YARS2: variants seen among roughly 807,000 people sequenced by gnomAD.
The protein encoded by YARS2 is tyrosyl-tRNA synthetase 2, also known as tyrosine--tRNA ligase, mitochondrial.
Under a neutral mutation model 45.0 loss-of-function variants are expected in YARS2, and 38 were observed. The observed-to-expected ratio is 0.84, with a 90% confidence interval of 0.65 to 1.11. The LOEUF (loss-of-function observed/expected upper bound fraction) is 1.11, where lower values mean the gene tolerates loss of function less well. Ranked by LOEUF, YARS2 falls within the 50% of genes least tolerant of loss-of-function variation. YARS2 has a pLI of 0.00. For missense variants in YARS2, 602 were observed against 599.8 expected (o/e 1.00, Z -0.04); for synonymous variants, 287 against 245.1 (o/e 1.17, Z -1.60).
At chr12:32,752,435 G>A (rs1421723227) in intron 2 of YARS2, among the ~76,000 whole-genome samples, 1 of 152,058 alleles carries the variant, frequency 6.6e-6, no homozygotes, top group Non-Finnish European at 1.5e-5. Flanking sequence ...GAACCAGATA[G>A]AAAATGCAAT....
At chr12:32,750,689 T>C (rs745892136) in intron 3 of YARS2, 30 bp downstream of exon 3, 2 of 1,611,986 alleles carry the variant, frequency 1.2e-6, no homozygotes, top group East Asian at 4.5e-5. Flanking sequence ...AATAACTAAC[T>C]ATCAAGTGTT....
In YARS2 at chr12:32,755,679, C is replaced by G. The variant is rs1955835258; in HGVS notation, c.196G>C (p.Asp66His). The G allele has an allele frequency of 1.9e-6, 3 of 1,614,112 alleles. No individual in the cohort carries two copies. The highest frequency in any genetic ancestry group is 2.7e-5 in the African/African-American group (2 of 74,950). Residue 66 changes from aspartate to histidine, a missense_variant, in exon 1 of 5, where the codon GAC (aspartate) becomes CAC (histidine). Transcript: ENST00000324868. Reference protein sequence around the residue: ...GTKIELPELFDRGTASFPQTI... With the variant: ...GTKIELPELFHRGTASFPQTI... ...TGGGGAAAACTCGCCGTGCCACGGT[C>G]GAAGAGCTCTGGGAGCTCTATTTTC...
Position 32,755,199 on chromosome 12 carries a change from C to T in YARS2, c.676G>A (p.Ala226Thr). The T allele has an allele frequency of 6.2e-7, 1 of 1,614,208 alleles. No homozygotes were observed. The highest frequency in any genetic ancestry group is 1.3e-5 in the African/African-American group (1 of 75,062). ...TGGAAGAGGTAATAGAAGTCATAGG[C>T]CTGGAGCACCTGGTAAAAGAACTCG... is the stretch of plus-strand genomic sequence containing the variant. ...LAEFFYQVLQAYDFYYLFQRY... is the reference protein window; with the variant it reads ...LAEFFYQVLQTYDFYYLFQRY... Residue 226 changes from alanine to threonine, a missense_variant, in exon 1 of 5, where the codon GCC (alanine) becomes ACC (threonine). Transcript: ENST00000324868.
chr12:32,755,709 C>T lies in YARS2; in HGVS notation c.166G>A (p.Gly56Arg), dbSNP rs372463412. The stretch of plus-strand genomic sequence containing the variant: ...AGCTCTGGGAGCTCTATTTTCGTCC[C>T]CGTCTCCGGGAAGAAGTCCTTGAAC... ...GLFKDFFPET[G>R]TKIELPELFD... is the part of the protein sequence containing the mutation. Residue 56 changes from glycine to arginine, a missense_variant, in exon 1 of 5, where the codon GGG (glycine) becomes AGG (arginine). Transcript: ENST00000324868. 13 of 1,614,132 alleles carry T rather than the reference C, an allele frequency of 8.1e-6. No homozygotes were observed. Among genetic ancestry groups the T allele is most frequent in the Admixed American group, 3.3e-5 (2 of 60,016 alleles).
rs536430755 is a variant in YARS2 at position 32,755,595 on chromosome 12, C to A, written c.280G>T (p.Ala94Ser). The part of the protein sequence containing the change: ...ADSLHVGHLL[A>S]LLGLFHLQRA... ...TGCAAATGAAACAGGCCCAGCAGCG[C>A]AAGTAGATGACCCACATGAAGCGAG... Residue 94 changes from alanine to serine, a missense_variant, in exon 1 of 5, where the codon GCG (alanine) becomes TCG (serine). Coordinates refer to ENST00000324868, the MANE Select transcript of YARS2 (RefSeq NM_001040436.3). 6.2e-7 allele frequency: 1 copy of A among 1,613,962 alleles called. No homozygotes were observed. Among genetic ancestry groups the A allele is most frequent in the South Asian group, 1.1e-5 (1 of 91,088 alleles).
Position 32,755,091 on chromosome 12 carries a change from C to T in YARS2, c.779+5G>A. 6.2e-7 allele frequency: 1 copy of T among 1,614,132 alleles called. No homozygotes were observed. Among genetic ancestry groups the T allele is most frequent in the Non-Finnish European group, 8.5e-7 (1 of 1,180,014 alleles). Reference sequence around the variant, plus strand: ...AGGATTTCCCCAAGGTTTAAAGGCACTTACTTGTTGATGAACTCATATCCG... The same window carrying T: ...AGGATTTCCCCAAGGTTTAAAGGCATTTACTTGTTGATGAACTCATATCCG... On this transcript the variant is annotated splice_donor_5th_base_variant and intron_variant, in intron 1 of 4. Coordinates refer to ENST00000324868, the MANE Select transcript of YARS2 (RefSeq NM_001040436.3).
intron 4 of YARS2, among the ~76,000 whole-genome samples, chr12:32,748,978 A>T (rs1384575346): frequency 2.0e-5 from 3 of 152,180 alleles, no homozygotes; most frequent in African/African-American, 4.8e-5. Context: ...ATGCTGAATT[A>T]TTTTTTGTGA....
chr12:32,748,096 T>C (rs1301257093), intron 4 of YARS2, among the ~76,000 whole-genome samples: 2 of 152,138 alleles, frequency 1.3e-5, no homozygotes, highest in Non-Finnish European at 2.9e-5. Flanking sequence ...AGAAAAATGG[T>C]GGTTTTCTCT....
Position 32,750,732 on chromosome 12 carries a change from C to T in YARS2, c.1090G>A (p.Asp364Asn), listed in dbSNP as rs201279283. ...CTAAACTACTACCTTTTAGCAGAAT[C>T]CAATCCTTCTCGTCCATGAACAAGC... ...TKLVHGREGL[D>N]SAKRCTQALY... Residue 364 changes from aspartate (D) to asparagine (N), a missense_variant, in exon 3 of 5, where the codon GAT becomes AAT. Asp to Asn is a conservative substitution (Grantham distance 23). Coordinates refer to ENST00000324868, the MANE Select transcript of YARS2 (RefSeq NM_001040436.3). The T allele has an allele frequency of 2.8e-5, 45 of 1,614,016 alleles. No homozygotes were observed. Among genetic ancestry groups the T allele is most frequent in the Non-Finnish European group, 3.5e-5 (41 of 1,180,016 alleles).
intron 4 of YARS2, among the ~76,000 whole-genome samples, chr12:32,749,300 C>T (rs10844338): frequency 0.15 from 23,322 of 152,032 alleles, 1,871 homozygotes; most frequent in Middle Eastern, 0.21. Flanking sequence ...CCCTCTAAAA[C>T]TGTGACCATA....
chr12:32,753,986 G>A lies in YARS2; in HGVS notation c.879C>T (p.Asn293=), dbSNP rs1220173548. ...GKSAGNAVWL[N]RDKTSPFELY... is the part of the protein sequence containing the mutation. The stretch of plus-strand genomic sequence containing the variant: ...ATTCAAATGGAGATGTCTTATCTCT[G>A]TTTAGCCAAACAGCGTTGCCAGCAG... The change falls in exon 2 of 5, where the codon AAC becomes AAT. Residue 293 remains asparagine, a synonymous_variant. Transcript: ENST00000324868. The A allele has an allele frequency of 3.1e-6, 5 of 1,614,202 alleles. No individual in the cohort carries two copies. The highest frequency in any genetic ancestry group is 3.4e-6 in the Non-Finnish European group (4 of 1,180,038).
chr12:32,755,551 C>G lies in YARS2; in HGVS notation c.324G>C (p.Val108=). The G allele has an allele frequency of 6.2e-7, 1 of 1,613,690 alleles. No individual in the cohort carries two copies. ...CCGTGGCGCCTCCCACCAGCGCGAT[C>G]ACGTTGTGGCCCGCTCGCTGCAAAT... ...LFHLQRAGHN[V]IALVGGATAR... Residue 108 remains valine, a synonymous_variant, in exon 1 of 5, where the codon GTG becomes GTC. Coordinates refer to ENST00000324868, the MANE Select transcript of YARS2 (RefSeq NM_001040436.3).
chr12:32,747,850 G>C (rs1431886985), intron 4 of YARS2, among the ~76,000 whole-genome samples: 2 of 151,982 alleles, frequency 1.3e-5, no homozygotes, highest in Non-Finnish European at 2.9e-5. Flanking sequence ...TTTACGCCTT[G>C]CAATCTGCTC....
rs370485234 is a variant in YARS2, at chr12:32,755,705, G to A, written c.170C>T (p.Thr57Met). ...GAAGAGCTCTGGGAGCTCTATTTTC[G>A]TCCCCGTCTCCGGGAAGAAGTCCTT... is the stretch of plus-strand genomic sequence containing the variant. The part of the protein sequence containing the change: ...LFKDFFPETG[T>M]KIELPELFDR... The change falls in exon 1 of 5, where the codon ACG becomes ATG. Residue 57 changes from threonine to methionine, a missense_variant. Thr to Met is a moderately conservative substitution (Grantham distance 81, BLOSUM62 -1). Coordinates refer to ENST00000324868, the MANE Select transcript of YARS2 (RefSeq NM_001040436.3). The A allele has an allele frequency of 5.6e-6, 9 of 1,614,116 alleles. No individual in the cohort carries two copies. The highest frequency in any genetic ancestry group is 7.6e-6 in the Non-Finnish European group (9 of 1,180,056).
intron 4 of YARS2, among the ~76,000 whole-genome samples, 187 bp downstream of exon 4, chr12:32,749,750 T>A (rs567059422): frequency 1.3e-5 from 2 of 152,090 alleles, no homozygotes; most frequent in South Asian, 4.2e-4. Flanking sequence ...CCGGCTAATT[T>A]GTATTTTTAG....
intron 2 of YARS2, among the ~76,000 whole-genome samples, chr12:32,751,439 G>C (rs1345194205): frequency 6.6e-6 from 1 of 151,652 alleles, no homozygotes; most frequent in Non-Finnish European, 1.5e-5. Context: ...TCCCTTCCTT[G>C]CCCCGAGATA....
chr12:32,754,090 G>C lies in YARS2; in HGVS notation c.780-5C>G, dbSNP rs747440728. On this transcript the variant is annotated splice_polypyrimidine_tract_variant and splice_region_variant and intron_variant, in intron 1 of 4. Coordinates refer to ENST00000324868, the MANE Select transcript of YARS2 (RefSeq NM_001040436.3). ...AATACATCTTCTCCAGTCAACCTAC[G>C]CATAAAGAACAATTTCATTATGTGC... 5.0e-6 allele frequency: 8 copies of C among 1,613,978 alleles called. No homozygotes were observed. Among genetic ancestry groups the C allele is most frequent in the Non-Finnish European group, 6.8e-6 (8 of 1,179,980 alleles).
At chr12:32,748,582 G>A (rs955438224) in intron 4 of YARS2, among the ~76,000 whole-genome samples, 4 of 152,154 alleles carry the variant, frequency 2.6e-5, no homozygotes, top group Admixed American at 6.5e-5. Context: ...AGAAGAAAAC[G>A]AAATCTGCTT....
intron 4 of YARS2, among the ~76,000 whole-genome samples, chr12:32,749,386 AGACT>A (rs1235241189): frequency 3.3e-5 from 5 of 152,316 alleles, no homozygotes; most frequent in African/African-American, 9.6e-5. Flanking sequence ...GTTGGAGGAA[AGACT>A]GACTGGGTTA....
Sources: gnomAD v4.1 joint callset for allele counts (sites outside exome capture counted in the v4.1 genomes callset) on GRCh38, gnomAD v4.1.1 for gene constraint, MANE v1.5 for transcripts, NCBI Gene and HGNC (gene_info 2026-07-23, HGNC 2026-07-21) for gene names.